The following LRIG1 variants were observed in gnomAD, a reference collection of about 807,000 sequenced individuals.
LRIG1 encodes leucine rich repeats and immunoglobulin like domains 1.
A neutral mutation model predicts 99.2 loss-of-function variants in LRIG1; 48 were observed. The ratio of observed to expected loss-of-function variants is 0.48; its 90% CI spans 0.38 to 0.62. The LOEUF (loss-of-function observed/expected upper bound fraction) is 0.62, where lower values mean the gene tolerates loss of function less well. Among genes scored for constraint, LRIG1 ranks in the 20% least tolerant of loss-of-function variants. The probability of loss-of-function intolerance (pLI) is 0.00; values close to 1 mark genes in which losing one functional copy is unlikely to be tolerated. For missense variants in LRIG1, 1,646 were observed against 1,434.4 expected, an observed-to-expected ratio of 1.15 and a Z score of -2.38; for synonymous variants, 772 against 596.1, an observed-to-expected ratio of 1.29 and a Z score of -4.30.
In LRIG1 at chr3:66,414,258, A is replaced by G. The variant is rs567381170; in HGVS notation, c.647+662T>C. ...TAAAAATACAAAAAATTAGCCAGGC[A>G]TGGTGGTGGGTGCCTGTAGTCCCAG... On this transcript the variant is annotated intron_variant, in intron 5 of 18. Transcript: ENST00000273261. Among the ~76,000 whole-genome samples, 93 of 152,206 alleles carry G rather than the reference A, an allele frequency of 6.1e-4. 1 individual carries two copies. Among genetic ancestry groups the G allele is most frequent in the South Asian group, 6.0e-3 (29 of 4,818 alleles).
At chr3:66,457,012 G>A (rs972389750) in intron 2 of LRIG1, among the ~76,000 whole-genome samples, 6 of 152,170 alleles carry the variant, frequency 3.9e-5, no homozygotes, top group African/African-American at 7.2e-5. Flanking sequence ...CTGCACAAGC[G>A]TCCTCATGTC....
At chr3:66,458,136 T>C (rs1348695673) in intron 2 of LRIG1, among the ~76,000 whole-genome samples, 1 of 152,240 alleles carries the variant, frequency 6.6e-6, no homozygotes, top group African/African-American at 2.4e-5. Flanking sequence ...ATTACTTTTT[T>C]TCAGAGATGG....
At chr3:66,407,056 C>A (rs1429728957) in intron 8 of LRIG1, among the ~76,000 whole-genome samples, 2 of 152,152 alleles carry the variant, frequency 1.3e-5, no homozygotes, top group Non-Finnish European at 2.9e-5. Flanking sequence ...ACACTAGGAG[C>A]CAGCATCCTG....
At chr3:66,418,092 T>C (rs757780183) in intron 3 of LRIG1, among the ~76,000 whole-genome samples, 7 of 147,026 alleles carry the variant, frequency 4.8e-5, no homozygotes, top group Non-Finnish European at 1.1e-4. Flanking sequence ...TTTTTTGTTT[T>C]GTTTTTGTTT....
chr3:66,481,780 A>G (rs995784383), intron 1 of LRIG1, among the ~76,000 whole-genome samples: 11 of 152,220 alleles, frequency 7.2e-5, no homozygotes, highest in Non-Finnish European at 1.2e-4. Flanking sequence ...TATCACAATT[A>G]TCTATGAGAA....
chr3:66,468,336 G>C (rs1008064292), intron 1 of LRIG1, among the ~76,000 whole-genome samples: 2 of 152,160 alleles, frequency 1.3e-5, no homozygotes, highest in Non-Finnish European at 2.9e-5. Context: ...ATCTCTCACT[G>C]TGAAGAGGAG....
At chr3:66,425,156 G>A (rs1309059643) in intron 3 of LRIG1, among the ~76,000 whole-genome samples, 1 of 152,226 alleles carries the variant, frequency 6.6e-6, no homozygotes, top group East Asian at 1.9e-4. Context: ...GAGCCGGGAT[G>A]CAAGCCCAGG....
chr3:66,401,586 GGTAGATT>G, intron 9 of LRIG1: 1 of 1,451,576 alleles, frequency 6.9e-7, no homozygotes, highest in Non-Finnish European at 9.1e-7. Flanking sequence ...TCATCTTGTT[GGTAGATT>G]AGGCAGGGTC....
At chr3:66,461,148 T>TA (rs1379657698) in intron 2 of LRIG1, among the ~76,000 whole-genome samples, 1 of 151,960 alleles carries the variant, frequency 6.6e-6, no homozygotes, top group Non-Finnish European at 1.5e-5. Flanking sequence ...CCATCTCTAC[T>TA]AAAAAAATTA....
intron 1 of LRIG1, among the ~76,000 whole-genome samples, chr3:66,484,071 CTTCT>C (rs1306449111): frequency 2.6e-5 from 4 of 152,244 alleles, no homozygotes; most frequent in Non-Finnish European, 5.9e-5. Flanking sequence ...CTATTTGTTT[CTTCT>C]TTCTTTCCAT....
Position 66,380,077 on chromosome 3 carries a change from T to C in LRIG1, c.*186A>G, listed in dbSNP as rs1700943958. 1.9e-6 allele frequency: 1 copy of C among 529,624 alleles called. No homozygotes were observed. Among genetic ancestry groups the C allele is most frequent in the Non-Finnish European group, 3.3e-6 (1 of 301,786 alleles). The allele number at this position is 529,624 out of a possible 1,614,324, so 32.8% of individuals were successfully genotyped here. A position where few individuals can be genotyped will look rare whatever the true frequency, so the allele number is the denominator to read the frequency against. On this transcript the variant is annotated 3_prime_UTR_variant, in exon 19 of 19. Coordinates refer to ENST00000273261, the MANE Select transcript of LRIG1 (RefSeq NM_015541.3). ...AATGATATCAAATACTTTTTTTGCC[T>C]TTTGTACACAAATCCCCTCTTGCGT...
At chr3:66,456,896 C>T (rs1210242736) in intron 2 of LRIG1, among the ~76,000 whole-genome samples, 1 of 152,192 alleles carries the variant, frequency 6.6e-6, no homozygotes, top group East Asian at 1.9e-4. Context: ...TAAATAGCCC[C>T]TTTTATTAAT....
At chr3:66,383,659 G>A (rs1489559380) in intron 14 of LRIG1, among the ~76,000 whole-genome samples, 2 of 151,924 alleles carry the variant, frequency 1.3e-5, no homozygotes, top group Non-Finnish European at 2.9e-5. Context: ...TCAGGCCTGT[G>A]TCCTTATTCT....
Position 66,384,241 on chromosome 3 carries a change from G to A in LRIG1, c.1821C>T (p.Asp607=), listed in dbSNP as rs762129241. 5 of 1,612,762 alleles carry A rather than the reference G, an allele frequency of 3.1e-6. No individual in the cohort carries two copies. Among genetic ancestry groups the A allele is most frequent in the Middle Eastern group, 3.3e-4 (2 of 6,060 alleles). ...CCATGGTGGTGGTCCGGATGGTTAT[G>A]TCGTGGGGCGTTTTGGTGAATGATG... ...VLPSFTKTPH[D]ITIRTTTMAR... The change falls in exon 14 of 19, where the codon GAC becomes GAT. Residue 607 remains aspartate, a synonymous_variant. Coordinates refer to ENST00000273261, the MANE Select transcript of LRIG1 (RefSeq NM_015541.3).
chr3:66,450,899 T>A (rs1210658388), intron 3 of LRIG1, among the ~76,000 whole-genome samples: 1 of 152,122 alleles, frequency 6.6e-6, no homozygotes, highest in African/African-American at 2.4e-5. Context: ...ACAAGCAAGC[T>A]CCTCCACCTG....
rs117400794 is a variant in LRIG1 at position 66,392,359 on chromosome 3, A to G, written c.1468+1681T>C. ...TCGTAACTGGATGTTGAACTGAGGAACTGCCGAGACTGTTTTCCAAAGTGG... is the reference window on the plus strand; with the variant it reads ...TCGTAACTGGATGTTGAACTGAGGAGCTGCCGAGACTGTTTTCCAAAGTGG... On this transcript the variant is annotated intron_variant, in intron 12 of 18. Coordinates refer to ENST00000273261, the MANE Select transcript of LRIG1 (RefSeq NM_015541.3). Among the ~76,000 whole-genome samples, 508 of 152,348 alleles carry G rather than the reference A, an allele frequency of 3.3e-3. 3 individuals carry two copies. Among genetic ancestry groups the G allele is most frequent in the East Asian group, 0.022 (114 of 5,180 alleles).
At position 66,500,687 on chromosome 3, in the gene LRIG1, G is replaced by A. The variant is rs1052976005; in HGVS notation, c.-280C>T. ...CGAACTCCGCCGATTCGGGCAAGGT[G>A]TACCCAGCCTGCGCTCTTCGTCCGC... On this transcript the variant is annotated 5_prime_UTR_variant, in exon 1 of 19. Transcript: ENST00000273261. 9 of 252,698 alleles carry A rather than the reference G, an allele frequency of 3.6e-5. 1 individual carries two copies. The highest frequency in any genetic ancestry group is 7.5e-6 in the Non-Finnish European group (1 of 133,656). The allele number at this position is 252,698 out of a possible 1,614,324, so 15.7% of individuals were successfully genotyped here. A position where few individuals can be genotyped will look rare whatever the true frequency, so the allele number is the denominator to read the frequency against.
Position 66,380,228 on chromosome 3 carries a change from G to T in LRIG1, c.*35C>A. On this transcript the variant is annotated 3_prime_UTR_variant, in exon 19 of 19. Transcript: ENST00000273261. ...GCCTCTCCTACCTCTCTTTCCCGTA[G>T]AGATTGGTATGACAAGAACTGAGGT... The T allele has an allele frequency of 6.4e-7, 1 of 1,556,460 alleles. No homozygotes were observed. Among genetic ancestry groups the T allele is most frequent in the South Asian group, 1.2e-5 (1 of 84,528 alleles).
chr3:66,379,112 T>C lies in LRIG1; in HGVS notation c.*1151A>G, dbSNP rs1700872019. On this transcript the variant is annotated 3_prime_UTR_variant, in exon 19 of 19. Coordinates refer to ENST00000273261, the MANE Select transcript of LRIG1 (RefSeq NM_015541.3). ...CCTTCAGCTTTTGGCCAAAGGAACATTTGAAGGACCTTGTTTCTATTTAAG... is the reference window on the plus strand; with the variant it reads ...CCTTCAGCTTTTGGCCAAAGGAACACTTGAAGGACCTTGTTTCTATTTAAG... 6.6e-6 allele frequency: 1 copy of C among 152,628 alleles called. No individual in the cohort carries two copies. The highest frequency in any genetic ancestry group is 6.5e-5 in the Admixed American group (1 of 15,278). The allele number at this position is 152,628 out of a possible 1,614,324, so 9.5% of individuals were successfully genotyped here. A position where few individuals can be genotyped will look rare whatever the true frequency, so the allele number is the denominator to read the frequency against.
Sources: gnomAD v4.1 joint callset for allele counts (sites outside exome capture counted in the v4.1 genomes callset) on GRCh38, gnomAD v4.1.1 for gene constraint, MANE v1.5 for transcripts, NCBI Gene and HGNC (gene_info 2026-07-23, HGNC 2026-07-21) for gene names.